MCM9: variants seen among roughly 807,000 people sequenced by gnomAD.
MCM9 encodes the protein minichromosome maintenance 9 homologous recombination repair factor, also known as DNA helicase MCM9.
In MCM9, 55 loss-of-function variants were observed where a neutral mutation model predicts 72.8. The observed-to-expected ratio is 0.76, with a 90% confidence interval of 0.61 to 0.95. The LOEUF is 0.95. MCM9 is among the 40% of genes least tolerant of loss of function. The pLI, the probability that MCM9 is intolerant of heterozygous loss-of-function variation, is 0.00. For synonymous variants in MCM9, 480 were observed against 503.4 expected (o/e 0.95, Z 0.62); for missense variants, 1,279 against 1,377.0 (o/e 0.93, Z 1.13).
At chr6:118,904,604 C>T (rs144420291) in intron 8 of MCM9, among the ~76,000 whole-genome samples, 114 of 152,330 alleles carry the variant, frequency 7.5e-4, no homozygotes, top group African/African-American at 2.3e-3. Context: ...TGCTCTTAGT[C>T]TAGTCTAACT....
At chr6:118,868,194 A>G (rs1421100151) in intron 8 of MCM9, among the ~76,000 whole-genome samples, 1 of 152,142 alleles carries the variant, frequency 6.6e-6, no homozygotes, top group Non-Finnish European at 1.5e-5. Context: ...TATTTCTAAT[A>G]AAAAGGTTAA....
Position 118,815,347 on chromosome 6 carries a change from C to T in MCM9, c.2909G>A (p.Arg970His), listed in dbSNP as rs150953346. ...TGGGGTAGATGTTAACTTTCCTGGA[C>T]GCTTCACCGGCAAGGCTGCGTCTCT... ...TRRDAALPVKRPGKLTSTPGN... is the reference protein window; with the variant it reads ...TRRDAALPVKHPGKLTSTPGN... The change falls in exon 14 of 14, where the codon CGT (arginine) becomes CAT (histidine). Residue 970 changes from arginine (R) to histidine (H), a missense_variant. Coordinates refer to ENST00000619706, the MANE Select transcript of MCM9 (RefSeq NM_017696.3). 2.4e-5 allele frequency: 37 copies of T among 1,550,312 alleles called. No homozygotes were observed. The highest frequency in any genetic ancestry group is 2.2e-4 in the East Asian group (9 of 40,896).
chr6:118,910,569 A>G (rs932332729), intron 8 of MCM9: 2 of 961,224 alleles, frequency 2.1e-6, no homozygotes, highest in African/African-American at 3.5e-5. Flanking sequence ...GACACTCTAC[A>G]TAATTACTTA....
At chr6:118,860,624 A>G (rs1449233211) in intron 8 of MCM9, among the ~76,000 whole-genome samples, 1 of 152,170 alleles carries the variant, frequency 6.6e-6, no homozygotes, top group Non-Finnish European at 1.5e-5. Flanking sequence ...CACCAGCAAA[A>G]TGAATGCCCA....
chr6:118,854,632 C>T (rs1776443518), intron 9 of MCM9, among the ~76,000 whole-genome samples: 1 of 152,234 alleles, frequency 6.6e-6, no homozygotes, highest in Admixed American at 6.5e-5. Flanking sequence ...GGATTACAGG[C>T]GTGAGCCATT....
intron 3 of MCM9, among the ~76,000 whole-genome samples, chr6:118,925,505 A>ATT (rs1367618420): frequency 2.0e-5 from 3 of 152,212 alleles, no homozygotes; most frequent in Non-Finnish European, 2.9e-5. Context: ...GTGCCAGGCT[A>ATT]TGTTAACCTA....
intron 8 of MCM9, among the ~76,000 whole-genome samples, chr6:118,892,332 T>C (rs1401999372): frequency 3.3e-5 from 5 of 152,212 alleles, no homozygotes; most frequent in Admixed American, 3.3e-4. Flanking sequence ...TAAGCCAAAT[T>C]AGTGGCATTC....
At chr6:118,821,592 A>AT (rs1773814763) in intron 13 of MCM9, among the ~76,000 whole-genome samples, 1 of 152,074 alleles carries the variant, frequency 6.6e-6, no homozygotes, top group Non-Finnish European at 1.5e-5. Context: ...TCAGATGAGT[A>AT]TATGTCTTGG....
chr6:118,833,737 C>G (rs1481984719), intron 9 of MCM9, among the ~76,000 whole-genome samples: 1 of 151,972 alleles, frequency 6.6e-6, no homozygotes, highest in Non-Finnish European at 1.5e-5. Context: ...GTAGTCAAAT[C>G]CATAGAAACG....
rs571021041 is a variant in MCM9, at chr6:118,923,407, C to CA, written c.621+403_621+404insT. ...TCAAGTGATCTTCCTGCCTCAGCTT[C>CA]CTGAGTAGCTGCGATTATAAGCACA... On this transcript the variant is annotated intron_variant, in intron 4 of 13. Coordinates refer to ENST00000619706, the MANE Select transcript of MCM9 (RefSeq NM_017696.3). Among the ~76,000 whole-genome samples the CA allele has an allele frequency of 9.2e-5, 14 of 152,120 alleles. No homozygotes were observed. In the East Asian group the frequency reaches 2.5e-3, roughly 27 times the overall value.
chr6:118,910,001 C>T (rs1780424226), intron 8 of MCM9, among the ~76,000 whole-genome samples: 2 of 151,192 alleles, frequency 1.3e-5, no homozygotes, highest in Admixed American at 6.6e-5. Flanking sequence ...TCTGTAATCC[C>T]AGTTACTCAG....
chr6:118,905,940 G>T (rs1033298292), intron 8 of MCM9: 4 of 792,486 alleles, frequency 5.0e-6, no homozygotes, highest in Non-Finnish European at 7.6e-6. Context: ...AAATAAATAT[G>T]AGGTCCTTAT....
intron 12 of MCM9, among the ~76,000 whole-genome samples, 188 bp from the exon 13 acceptor site, chr6:118,826,480 G>T (rs1270271679): frequency 6.6e-6 from 1 of 152,036 alleles, no homozygotes; most frequent in Non-Finnish European, 1.5e-5. Context: ...GGCAATCATT[G>T]CTCTAGGAAG....
chr6:118,836,046 T>C (rs1339264217), intron 9 of MCM9, among the ~76,000 whole-genome samples: 1 of 152,240 alleles, frequency 6.6e-6, no homozygotes, highest in Admixed American at 6.5e-5. Flanking sequence ...TATTGAGAGT[T>C]TTTAGCATGA....
chr6:118,854,637 G>A (rs1024651530), intron 9 of MCM9, among the ~76,000 whole-genome samples: 3 of 152,262 alleles, frequency 2.0e-5, no homozygotes, highest in Admixed American at 2.0e-4. Flanking sequence ...ACAGGCGTGA[G>A]CCATTGTGCC....
In MCM9 at chr6:118,851,229, T is replaced by A. The variant is rs142826904; in HGVS notation, c.1325+5142A>T. On this transcript the variant is annotated intron_variant, in intron 9 of 13. Transcript: ENST00000619706. ...AAAAGCAGCTACTAGTAGATGCCAGTGAGCACATGGTGGTCCTGTCATCCC... is the reference window on the plus strand; with the variant it reads ...AAAAGCAGCTACTAGTAGATGCCAGAGAGCACATGGTGGTCCTGTCATCCC... Among the ~76,000 whole-genome samples the A allele has an allele frequency of 8.3e-4, 126 of 151,994 alleles. 1 individual carries two copies. The highest frequency in any genetic ancestry group is 3.0e-3 in the African/African-American group (123 of 41,240).
chr6:118,914,418 A>G (rs922406847), intron 6 of MCM9, among the ~76,000 whole-genome samples: 2 of 152,172 alleles, frequency 1.3e-5, no homozygotes, highest in Non-Finnish European at 2.9e-5. Context: ...CCCTATACAC[A>G]AAGGCTACTT....
intron 9 of MCM9, among the ~76,000 whole-genome samples, chr6:118,852,507 G>A (rs534708259): frequency 6.6e-6 from 1 of 151,802 alleles, no homozygotes; most frequent in Non-Finnish European, 1.5e-5. Flanking sequence ...AAATGGTATC[G>A]CCTCCCCAGG....
chr6:118,855,840 C>A (rs1304131820), intron 9 of MCM9, among the ~76,000 whole-genome samples: 1 of 152,166 alleles, frequency 6.6e-6, no homozygotes, highest in Non-Finnish European at 1.5e-5. Context: ...TTTTCCTCCA[C>A]TTTATGTGTA....
Sources: allele counts gnomAD v4.1 joint callset (sites outside exome capture counted in the v4.1 genomes callset), GRCh38; gene constraint gnomAD v4.1.1; transcripts MANE v1.5; gene names NCBI Gene and HGNC (gene_info 2026-07-23, HGNC 2026-07-21).